The following STXBP5L variants were observed in gnomAD, a reference collection of about 807,000 sequenced individuals.
STXBP5L encodes the protein syntaxin binding protein 5L.
A neutral mutation model predicts 144.5 loss-of-function variants in STXBP5L; 65 were observed. The observed-to-expected ratio is 0.45, with a 90% confidence interval of 0.37 to 0.55. The LOEUF is 0.55. STXBP5L is among the 20% of genes least tolerant of loss of function. The pLI is 0.00. For missense variants in STXBP5L, 1,298 were observed against 1,405.5 expected (o/e 0.92, Z 1.22); for synonymous variants, 505 against 469.6 (o/e 1.08, Z -0.97).
At chr3:120,970,495 C>G (rs180884222) in intron 3 of STXBP5L, among the ~76,000 whole-genome samples, 43 of 152,192 alleles carry the variant, frequency 2.8e-4, no homozygotes, top group African/African-American at 1.0e-3. Context: ...AATATAACAT[C>G]CCATTATCAT....
intron 6 of STXBP5L, among the ~76,000 whole-genome samples, chr3:121,119,406 G>A (rs1308198605): frequency 6.6e-6 from 1 of 151,060 alleles, no homozygotes; most frequent in African/African-American, 2.4e-5. Flanking sequence ...TGGCAGTCTA[G>A]GACAGGATAC....
chr3:121,010,276 C>T (rs1049104729), intron 3 of STXBP5L, among the ~76,000 whole-genome samples: 1 of 151,748 alleles, frequency 6.6e-6, no homozygotes, highest in African/African-American at 2.4e-5. Flanking sequence ...CACTACTACA[C>T]ATAGTTGTTG....
chr3:121,090,935 C>G (rs2042753529), intron 5 of STXBP5L, among the ~76,000 whole-genome samples: 1 of 123,250 alleles, frequency 8.1e-6, no homozygotes, highest in South Asian at 3.5e-4. Flanking sequence ...CCCCTCCCCC[C>G]ACCCCACAAC....
At chr3:121,112,866 G>T (rs951618051) in intron 5 of STXBP5L, among the ~76,000 whole-genome samples, 1 of 152,112 alleles carries the variant, frequency 6.6e-6, no homozygotes, top group African/African-American at 2.4e-5. Context: ...TAAAGGTATT[G>T]ACTAATCATA....
intron 3 of STXBP5L, among the ~76,000 whole-genome samples, chr3:121,029,400 T>C (rs1268100224): frequency 6.6e-6 from 1 of 152,110 alleles, no homozygotes. Flanking sequence ...ATCTGATCTT[T>C]GACAAACCTG....
At chr3:121,316,895 GCCT>G (rs1559969220) in intron 19 of STXBP5L, among the ~76,000 whole-genome samples, 1 of 152,048 alleles carries the variant, frequency 6.6e-6, no homozygotes, top group Non-Finnish European at 1.5e-5. Context: ...AGTTCTAGCA[GCCT>G]CCTCCTCTTT....
chr3:121,263,875 C>A (rs1007469101), intron 18 of STXBP5L, among the ~76,000 whole-genome samples: 1 of 152,100 alleles, frequency 6.6e-6, no homozygotes, highest in Non-Finnish European at 1.5e-5. Flanking sequence ...GGGAACAAAG[C>A]TGGGAAACAC....
intron 3 of STXBP5L, among the ~76,000 whole-genome samples, chr3:121,021,468 C>T (rs1276018580): frequency 6.6e-6 from 1 of 152,104 alleles, no homozygotes; most frequent in Non-Finnish European, 1.5e-5. Context: ...AATATACCTT[C>T]CATTCATTAG....
intron 3 of STXBP5L, among the ~76,000 whole-genome samples, chr3:120,988,548 C>T (rs2107937058): frequency 6.6e-6 from 1 of 152,130 alleles, no homozygotes; most frequent in East Asian, 1.9e-4. Context: ...TGGGAATACT[C>T]TGTGAACTCT....
intron 3 of STXBP5L, among the ~76,000 whole-genome samples, chr3:120,962,497 C>G: frequency 6.6e-6 from 1 of 152,176 alleles, no homozygotes; most frequent in Non-Finnish European, 1.5e-5. Context: ...CTACATATGG[C>G]TAGCCAGTTT....
chr3:120,991,712 C>G (rs762410915), intron 3 of STXBP5L, among the ~76,000 whole-genome samples: 2 of 148,330 alleles, frequency 1.3e-5, no homozygotes, highest in Admixed American at 6.8e-5. Flanking sequence ...ATCACAAGGA[C>G]AAAAAACCAA....
chr3:121,336,096 G>C (rs2044495621), intron 20 of STXBP5L, among the ~76,000 whole-genome samples: 1 of 152,070 alleles, frequency 6.6e-6, no homozygotes. Flanking sequence ...ATTAAAATGT[G>C]GTTAAAGGAT....
chr3:121,373,724 C>T (rs2046099211), intron 20 of STXBP5L, among the ~76,000 whole-genome samples: 1 of 152,122 alleles, frequency 6.6e-6, no homozygotes, highest in Non-Finnish European at 1.5e-5. Context: ...ACCACTAGTG[C>T]CTGTATATCA....
At chr3:121,305,775 T>C (rs1371320237) in intron 19 of STXBP5L, among the ~76,000 whole-genome samples, 1 of 152,114 alleles carries the variant, frequency 6.6e-6, no homozygotes, top group Non-Finnish European at 1.5e-5. Context: ...CAACATTTAG[T>C]TCATAACCTA....
At chr3:121,141,598 A>G (rs905790732) in intron 7 of STXBP5L, among the ~76,000 whole-genome samples, 9 of 152,170 alleles carry the variant, frequency 5.9e-5, no homozygotes, top group Admixed American at 2.0e-4. Flanking sequence ...GATACACCAT[A>G]TAAGTAGATG....
At chr3:121,036,772 A>ATTTTTTTTTTTTTTTT (rs3863971) in intron 3 of STXBP5L, among the ~76,000 whole-genome samples, 8 of 122,224 alleles carry the variant, frequency 6.5e-5, no homozygotes, top group Non-Finnish European at 1.0e-4. Flanking sequence ...ACATTGATTG[A>ATTTTTTTTTTTTTTTT]TTTTTTTTTT....
intron 9 of STXBP5L, among the ~76,000 whole-genome samples, chr3:121,191,097 G>A (rs879915092): frequency 1.3e-5 from 2 of 151,908 alleles, no homozygotes; most frequent in Non-Finnish European, 1.5e-5. Context: ...CCCAGACGAT[G>A]GGCGGCCAGG....
chr3:121,143,480 A>G (rs1289435540), intron 7 of STXBP5L, among the ~76,000 whole-genome samples: 1 of 151,904 alleles, frequency 6.6e-6, no homozygotes, highest in Non-Finnish European at 1.5e-5. Context: ...ATCATGCATC[A>G]TGATCAAGTG....
At chr3:121,217,737 T>C (rs183569020) in intron 10 of STXBP5L, among the ~76,000 whole-genome samples, 2 of 152,230 alleles carry the variant, frequency 1.3e-5, no homozygotes, top group Admixed American at 1.3e-4. Flanking sequence ...TTGTGTTATC[T>C]ACTAGTATCC....
Sources: allele counts gnomAD v4.1 joint callset (sites outside exome capture counted in the v4.1 genomes callset), GRCh38; gene constraint gnomAD v4.1.1; transcripts MANE v1.5; gene names NCBI Gene and HGNC (gene_info 2026-07-23, HGNC 2026-07-21).